SHOC1: variants seen among roughly 807,000 people sequenced by gnomAD.
SHOC1 encodes the protein protein shortage in chiasmata 1 ortholog.
In SHOC1, 136 loss-of-function variants were observed where a neutral mutation model predicts 179.2. The observed-to-expected ratio is 0.76, with a 90% CI of 0.66 to 0.87. The LOEUF (loss-of-function observed/expected upper bound fraction) is 0.87, where lower values mean the gene tolerates loss of function less well. Among genes scored for constraint, SHOC1 ranks in the 40% least tolerant of loss-of-function variants. SHOC1 has a pLI of 0.00. For synonymous variants in SHOC1, 489 were observed against 586.6 expected, an observed-to-expected ratio of 0.83 and a Z score of 2.41; for missense variants, 1,538 against 1,700.8, an observed-to-expected ratio of 0.90 and a Z score of 1.68.
chr9:111,714,278 C>A (rs796386522), intron 17 of SHOC1, among the ~76,000 whole-genome samples, 167 bp downstream of exon 17: 17 of 152,224 alleles, frequency 1.1e-4, no homozygotes, highest in African/African-American at 3.9e-4. Context: ...GCAAATCATC[C>A]TTTCTATGGG....
At position 111,756,415 on chromosome 9, in the gene SHOC1, T is replaced by G; in HGVS notation, c.772A>C (p.Ile258Leu). The change falls in exon 8 of 28, where the codon ATT becomes CTT. Residue 258 changes from isoleucine (I) to leucine (L), a missense_variant. Ile to Leu is a conservative substitution (Grantham distance 5, BLOSUM62 2). Transcript: ENST00000682961. Reference protein sequence around the residue: ...IPPSLKPEIDIPSLSELKELL... With the variant: ...IPPSLKPEIDLPSLSELKELL... ...TCCTTCAGTTCTGAGAGTGATGGAA[T>G]ATCAATTTCTGGTTTGAGGCTTGGA... is the stretch of plus-strand genomic sequence containing the variant. The G allele has an allele frequency of 2.5e-6, 4 of 1,612,004 alleles. No homozygotes were observed. Among genetic ancestry groups the G allele is most frequent in the Middle Eastern group, 3.3e-4 (2 of 6,058 alleles).
chr9:111,701,352 ATATT>A (rs570993208), intron 23 of SHOC1, among the ~76,000 whole-genome samples: 17 of 152,154 alleles, frequency 1.1e-4, no homozygotes, highest in Non-Finnish European at 2.1e-4. Flanking sequence ...ATGATTGTGA[ATATT>A]TATTCACTCT....
At position 111,716,125 on chromosome 9, in the gene SHOC1, G is replaced by A. The variant is rs1029487262; in HGVS notation, c.2237-1502C>T. ...AATGTCCAAAGCAACTACATTATTC[G>A]TATGGCTGGATACCTGGAGATTAAG... On this transcript the variant is annotated intron_variant, in intron 16 of 27. Coordinates refer to ENST00000682961, the MANE Select transcript of SHOC1 (RefSeq NM_001378211.1). Among the ~76,000 whole-genome samples the A allele has an allele frequency of 3.9e-5, 6 of 152,076 alleles. No homozygotes were observed. The East Asian group carries it at 5.8e-4, about 15-fold the overall frequency.
Position 111,746,282 on chromosome 9 carries a change from G to C in SHOC1, c.1031C>G (p.Ser344Ter). The C allele has an allele frequency of 6.2e-7, 1 of 1,612,202 alleles. No individual in the cohort carries two copies. Among genetic ancestry groups the C allele is most frequent in the Non-Finnish European group, 8.5e-7 (1 of 1,178,530 alleles). The change falls in exon 10 of 28, where the codon TCA becomes TGA. Residue 344 changes from serine (S) to a stop codon, truncating the protein, a stop_gained. Coordinates refer to ENST00000682961, the MANE Select transcript of SHOC1 (RefSeq NM_001378211.1). LOFTEE classifies it high-confidence loss of function. ...AAATGTCTGAAGTTCTGTACGTAAT[G>C]AATTCACTGAAGAATGTTGGCATGT... The part of the protein sequence containing the change: ...FLTCQHSSVN[S>*]LRTELQTFPL...
At position 111,692,526 on chromosome 9, in the gene SHOC1, A is replaced by C; in HGVS notation, c.3466-15T>G. 6.6e-7 allele frequency: 1 copy of C among 1,513,790 alleles called. No homozygotes were observed. The highest frequency in any genetic ancestry group is 8.9e-7 in the Non-Finnish European group (1 of 1,121,872). The allele number at this position is 1,513,790 out of a possible 1,614,324, so 93.8% of individuals were successfully genotyped here. ...CTACAAAAATGCTAAAAAATGAATT[A>C]ATATAATGCAAATGTCAGTTTAGTA... On this transcript the variant is annotated splice_polypyrimidine_tract_variant and intron_variant, in intron 26 of 27. Transcript: ENST00000682961.
intron 5 of SHOC1, among the ~76,000 whole-genome samples, chr9:111,763,998 A>C (rs934513368): frequency 6.6e-6 from 1 of 152,230 alleles, no homozygotes; most frequent in African/African-American, 2.4e-5. Flanking sequence ...AGTTACCCAC[A>C]GTCAACTGCA....
rs1554724122 is a variant in SHOC1, at chr9:111,781,742, A to AATTAATTAATTAATTAATT, written c.170-726_170-725insAATTAATTAATTAATTAAT. On this transcript the variant is annotated intron_variant, in intron 3 of 27. Transcript: ENST00000682961. ...AGACTCTGTAAATAAATAAATAAAT[A>AATTAATTAATTAATTAATT]AATAAATAAATTTGTATGTGTACAT... is the stretch of plus-strand genomic sequence containing the variant. 1.5e-4 allele frequency among the ~76,000 whole-genome samples: 16 copies of AATTAATTAATTAATTAATT among 106,670 alleles called. 1 individual carries two copies. The highest frequency in any genetic ancestry group is 4.9e-4 in the African/African-American group (15 of 30,446). The allele number at this position is 106,670 out of a possible 152,430, so 70.0% of individuals were successfully genotyped here.
At chr9:111,721,531 G>C (rs970914444) in intron 15 of SHOC1, among the ~76,000 whole-genome samples, 6 of 152,070 alleles carry the variant, frequency 3.9e-5, no homozygotes, top group African/African-American at 1.4e-4. Context: ...GTAGAGATGG[G>C]GTTTCACCAT....
chr9:111,758,735 C>T lies in SHOC1; in HGVS notation c.556G>A (p.Asp186Asn). The change falls in exon 6 of 28, where the codon GAT becomes AAT. Residue 186 changes from aspartate (D) to asparagine (N), a missense_variant. Coordinates refer to ENST00000682961, the MANE Select transcript of SHOC1 (RefSeq NM_001378211.1). ...TCTGTGAAGATCTGTCCTTTGAAAT[C>T]TAAAAGAGGATCCTTTACCAAAAAC... is the stretch of plus-strand genomic sequence containing the variant. ...KLFLVKDPLLDFKGQIFTEAN... is the reference protein window; with the variant it reads ...KLFLVKDPLLNFKGQIFTEAN... 1 of 1,597,836 alleles carries T rather than the reference C, an allele frequency of 6.3e-7. No homozygotes were observed. The highest frequency in any genetic ancestry group is 1.1e-5 in the South Asian group (1 of 87,128).
rs781473613 is a variant in SHOC1, at chr9:111,738,412, T to C, written c.1285A>G (p.Lys429Glu). 2 of 1,613,172 alleles carry C rather than the reference T, an allele frequency of 1.2e-6. No homozygotes were observed. Among genetic ancestry groups the C allele is most frequent in the Non-Finnish European group, 1.7e-6 (2 of 1,179,656 alleles). ...ATTTTCAGATTTAGTCCTGCTTGTT[T>C]CCACCACTCTGCCTTTTCCAGATTA... ...VINLEKAEWW[K>E]QAGLNLKMME... Residue 429 changes from lysine to glutamate, a missense_variant, in exon 12 of 28, where the codon AAA becomes GAA. By Grantham distance (56) the Lys-to-Glu change is moderately conservative (BLOSUM62 1). Coordinates refer to ENST00000682961, the MANE Select transcript of SHOC1 (RefSeq NM_001378211.1).
At chr9:111,770,133 C>G (rs1041195052) in intron 5 of SHOC1, among the ~76,000 whole-genome samples, 2 of 151,352 alleles carry the variant, frequency 1.3e-5, no homozygotes, top group Non-Finnish European at 2.9e-5. Flanking sequence ...TGAAGTCTTT[C>G]TACTTTTTTG....
chr9:111,775,676 G>A, intron 5 of SHOC1, 115 bp downstream of exon 5: 1 of 726,432 alleles, frequency 1.4e-6, no homozygotes, highest in South Asian at 2.3e-5. Flanking sequence ...TTAGAGTTAT[G>A]CAGGTGGATC....
rs34548781 is a variant in SHOC1 at position 111,716,381 on chromosome 9, C to CTT, written c.2237-1760_2237-1759dup. Among the ~76,000 whole-genome samples the CTT allele has an allele frequency of 9.6e-4, 65 of 67,784 alleles. 6 individuals are homozygous for CTT. Among genetic ancestry groups the CTT allele is most frequent in the African/African-American group, 2.9e-3 (51 of 17,696 alleles). 44.5% of individuals were successfully genotyped at this position (67,784 alleles called of 152,430 possible). On this transcript the variant is annotated intron_variant, in intron 16 of 27. Transcript: ENST00000682961. ...TAAATATTATTTCTTTCTTTTCTCC[C>CTT]TTTTTTTTTTTTTTTTTTTTTTTTT...
intron 4 of SHOC1, among the ~76,000 whole-genome samples, chr9:111,779,223 G>A (rs1472109417): frequency 6.6e-6 from 1 of 151,792 alleles, no homozygotes; most frequent in African/African-American, 2.4e-5. Context: ...AGCACATATT[G>A]TATGATTCCA....
chr9:111,780,223 A>G (rs1444647934), intron 4 of SHOC1, among the ~76,000 whole-genome samples: 1 of 152,218 alleles, frequency 6.6e-6, no homozygotes, highest in Non-Finnish European at 1.5e-5. Context: ...TCTTTTAAGC[A>G]CAACTAAGGA....
intron 16 of SHOC1, among the ~76,000 whole-genome samples, chr9:111,717,436 A>G (rs1832841572): frequency 6.6e-6 from 1 of 152,090 alleles, no homozygotes. Context: ...TCTACTAAAA[A>G]TACAAAATTA....
chr9:111,756,520 CAAAT>C (rs1564151609), intron 7 of SHOC1, 42 bp from the exon 8 acceptor site: 3 of 1,534,408 alleles, frequency 2.0e-6, no homozygotes, highest in Admixed American at 2.2e-5. Flanking sequence ...AGAGGCTTTC[CAAAT>C]AAATATTTTC....
At chr9:111,731,748 T>A (rs1488321729) in intron 12 of SHOC1, among the ~76,000 whole-genome samples, 4 of 152,154 alleles carry the variant, frequency 2.6e-5, no homozygotes, top group Non-Finnish European at 5.9e-5. Flanking sequence ...ATGTATTAAA[T>A]CTATAAAATT....
In SHOC1 at chr9:111,727,448, C is replaced by T. The variant is rs41296063; in HGVS notation, c.1834+185G>A. ...GAAACATATGTATCTGTATCTAAAT[C>T]ATGCCTATATATCCATATCTATCTG... On this transcript the variant is annotated intron_variant, in intron 13 of 27. Transcript: ENST00000682961. Among the ~76,000 whole-genome samples the T allele has an allele frequency of 9.7e-4, 148 of 152,224 alleles. 1 individual carries two copies. Among genetic ancestry groups the T allele is most frequent in the Non-Finnish European group, 1.5e-3 (103 of 67,988 alleles).
Sources: gnomAD v4.1 joint callset for allele counts (sites outside exome capture counted in the v4.1 genomes callset) on GRCh38, gnomAD v4.1.1 for gene constraint, MANE v1.5 for transcripts, NCBI Gene and HGNC (gene_info 2026-07-23, HGNC 2026-07-21) for gene names.